Variants in GPC5 observed in about 807,000 individuals in gnomAD.
GPC5 encodes glypican-5.
In GPC5, 47 loss-of-function variants were observed where a neutral mutation model predicts 53.9. The ratio of observed to expected loss-of-function variants is 0.87; its 90% CI spans 0.69 to 1.11. The LOEUF (loss-of-function observed/expected upper bound fraction) is 1.11. GPC5 is among the 50% of genes most tolerant of loss of function. GPC5 has a pLI of 0.00. For missense variants in GPC5, 748 were observed against 713.1 expected, an observed-to-expected ratio of 1.05 and a Z score of -0.56; for synonymous variants, 286 against 263.3, an observed-to-expected ratio of 1.09 and a Z score of -0.84.
chr13:92,139,069 T>C (rs1402562718), intron 6 of GPC5, among the ~76,000 whole-genome samples: 7 of 152,216 alleles, frequency 4.6e-5, no homozygotes, highest in Admixed American at 1.3e-4. Flanking sequence ...CACAAATATA[T>C]GTTGGAAGTA....
intron 5 of GPC5, among the ~76,000 whole-genome samples, chr13:91,904,012 G>A (rs2039525856): frequency 6.6e-6 from 1 of 151,928 alleles, no homozygotes; most frequent in African/African-American, 2.4e-5. Flanking sequence ...ACACTGTACG[G>A]CAAACCTACA....
At chr13:92,498,586 C>T (rs1387575268) in intron 7 of GPC5, among the ~76,000 whole-genome samples, 1 of 152,092 alleles carries the variant, frequency 6.6e-6, no homozygotes, top group East Asian at 1.9e-4. Context: ...AGCTTAAAAA[C>T]TGCCTGACCA....
intron 7 of GPC5, among the ~76,000 whole-genome samples, chr13:92,309,848 T>G (rs2043134076): frequency 6.6e-6 from 1 of 152,122 alleles, no homozygotes; most frequent in African/African-American, 2.4e-5. Context: ...CAGAGTGTAT[T>G]TAACCTATTT....
chr13:92,042,008 G>A (rs2040945472), intron 6 of GPC5, among the ~76,000 whole-genome samples: 1 of 152,118 alleles, frequency 6.6e-6, no homozygotes, highest in Non-Finnish European at 1.5e-5. Flanking sequence ...CCTGGAGATG[G>A]GCACCCAATA....
chr13:91,972,472 A>G (rs1358885374), intron 6 of GPC5, among the ~76,000 whole-genome samples: 7 of 152,036 alleles, frequency 4.6e-5, no homozygotes, highest in African/African-American at 7.2e-5. Context: ...TTACATTTAA[A>G]GTTAATATTG....
intron 7 of GPC5, among the ~76,000 whole-genome samples, chr13:92,812,780 T>C (rs1877341471): frequency 6.6e-6 from 1 of 151,890 alleles, no homozygotes; most frequent in South Asian, 2.1e-4. Flanking sequence ...AAGATCAACA[T>C]ACAAAACTCC....
intron 7 of GPC5, among the ~76,000 whole-genome samples, chr13:92,659,471 C>T (rs186159927): frequency 7.0e-5 from 10 of 143,576 alleles, no homozygotes; most frequent in African/African-American, 2.4e-4. Context: ...CTTATTTATT[C>T]GTGACTCCCT....
At chr13:92,778,944 G>A (rs1875919844) in intron 7 of GPC5, among the ~76,000 whole-genome samples, 1 of 151,476 alleles carries the variant, frequency 6.6e-6, no homozygotes, top group Non-Finnish European at 1.5e-5. Flanking sequence ...CTTGTTGCTT[G>A]TGTATGAATA....
At chr13:91,599,560 T>C (rs1237110172) in intron 2 of GPC5, among the ~76,000 whole-genome samples, 1 of 152,048 alleles carries the variant, frequency 6.6e-6, no homozygotes, top group Non-Finnish European at 1.5e-5. Context: ...CACTTAAAAC[T>C]CAATACTATA....
At chr13:91,894,804 C>T (rs753120761) in intron 5 of GPC5, among the ~76,000 whole-genome samples, 6 of 151,970 alleles carry the variant, frequency 3.9e-5, no homozygotes, top group Non-Finnish European at 8.8e-5. Flanking sequence ...AAAATTTTAA[C>T]CCAGGTGTGC....
intron 7 of GPC5, among the ~76,000 whole-genome samples, chr13:92,748,313 T>TATC (rs1202199653): frequency 1.0e-5 from 1 of 99,172 alleles, no homozygotes; most frequent in Non-Finnish European, 2.5e-5. Flanking sequence ...CATTTTATTT[T>TATC]ATTATTATTA....
At chr13:91,444,515 G>C (rs1388473137) in intron 1 of GPC5, among the ~76,000 whole-genome samples, 1 of 152,120 alleles carries the variant, frequency 6.6e-6, no homozygotes, top group Non-Finnish European at 1.5e-5. Flanking sequence ...TATTGAGACA[G>C]GCTTCAGCAT....
intron 6 of GPC5, among the ~76,000 whole-genome samples, chr13:91,909,182 T>C (rs143647085): frequency 2.6e-4 from 39 of 152,312 alleles, no homozygotes; most frequent in Non-Finnish European, 3.5e-4. Flanking sequence ...ATAAATTCTA[T>C]TGGAAAAGTC....
At chr13:91,712,338 A>ATG (rs894371104) in intron 3 of GPC5, among the ~76,000 whole-genome samples, 2 of 151,150 alleles carry the variant, frequency 1.3e-5, no homozygotes, top group Non-Finnish European at 3.0e-5. Flanking sequence ...GTATATATAT[A>ATG]TGTGTGTGTG....
At chr13:92,424,533 G>T (rs569814771) in intron 7 of GPC5, among the ~76,000 whole-genome samples, 1 of 151,816 alleles carries the variant, frequency 6.6e-6, no homozygotes, top group Non-Finnish European at 1.5e-5. Context: ...TGTTCAATTT[G>T]TCTTTTCAAA....
chr13:92,737,827 C>T (rs182856958), intron 7 of GPC5, among the ~76,000 whole-genome samples: 2 of 123,068 alleles, frequency 1.6e-5, no homozygotes, highest in African/African-American at 3.2e-5. Flanking sequence ...AGTACAATGG[C>T]GTGATCTTGG....
intron 3 of GPC5, among the ~76,000 whole-genome samples, chr13:91,715,883 C>G (rs2036327145): frequency 6.6e-6 from 1 of 151,932 alleles, no homozygotes; most frequent in African/African-American, 2.4e-5. Context: ...AAGCGATCCT[C>G]CCACCTCAGC....
At chr13:92,809,910 G>A (rs1002397777) in intron 7 of GPC5, among the ~76,000 whole-genome samples, 1 of 152,036 alleles carries the variant, frequency 6.6e-6, no homozygotes, top group Non-Finnish European at 1.5e-5. Context: ...CCTAGTGTGT[G>A]TGTCACTCTG....
intron 7 of GPC5, among the ~76,000 whole-genome samples, chr13:92,538,519 T>G (rs1881801329): frequency 6.7e-6 from 1 of 149,404 alleles, no homozygotes; most frequent in Non-Finnish European, 1.5e-5. Context: ...ATTTGCAGGT[T>G]TGTTACATAG....
Sources: gnomAD v4.1 joint callset for allele counts (sites outside exome capture counted in the v4.1 genomes callset) on GRCh38, gnomAD v4.1.1 for gene constraint, MANE v1.5 for transcripts, NCBI Gene and HGNC (gene_info 2026-07-23, HGNC 2026-07-21) for gene names.